Variants in TLN2 observed in about 807,000 individuals in gnomAD.
TLN2 encodes the protein talin 2, also known as talin-2.
A neutral mutation model predicts 294.7 loss-of-function variants in TLN2; 118 were observed. That is an observed-to-expected ratio of 0.40 (90% CI 0.34 to 0.47). TLN2 has a LOEUF of 0.47. Among genes scored for constraint, TLN2 ranks in the 20% least tolerant of loss-of-function variants. TLN2 has a pLI of 0.84. For synonymous variants in TLN2, 1,431 were observed against 1,304.5 expected, an observed-to-expected ratio of 1.10 and a Z score of -2.09; for missense variants, 3,083 against 3,282.2, an observed-to-expected ratio of 0.94 and a Z score of 1.48.
chr15:62,661,667 G>T (rs534145833), intron 9 of TLN2, among the ~76,000 whole-genome samples: 2 of 152,164 alleles, frequency 1.3e-5, no homozygotes, highest in Non-Finnish European at 2.9e-5. Context: ...TTGAATGGAA[G>T]TTTTTTGTAA....
intron 9 of TLN2, among the ~76,000 whole-genome samples, chr15:62,662,934 CT>C (rs2054059137): frequency 6.8e-6 from 1 of 148,058 alleles, no homozygotes; most frequent in South Asian, 2.2e-4. Context: ...CTCCATTCTC[CT>C]GCCTCAGTCT....
chr15:62,435,474 T>G (rs2035239820), intron 1 of TLN2, among the ~76,000 whole-genome samples: 1 of 152,202 alleles, frequency 6.6e-6, no homozygotes, highest in Non-Finnish European at 1.5e-5. Context: ...ACTTTTTGTG[T>G]CTGCTGTCTA....
intron 55 of TLN2, chr15:62,835,389 C>A (rs1389730472): frequency 9.7e-6 from 3 of 309,394 alleles, no homozygotes; most frequent in African/African-American, 6.4e-5. Context: ...GTGGCTCCCA[C>A]ATATGAAATG....
intron 48 of TLN2, among the ~76,000 whole-genome samples, chr15:62,798,557 A>G (rs572150019): frequency 6.7e-6 from 1 of 150,338 alleles, no homozygotes; most frequent in Admixed American, 6.6e-5. Context: ...AAACAAAACA[A>G]AAAAAAAAAA....
At chr15:62,737,436 G>A (rs2030039) in intron 29 of TLN2, among the ~76,000 whole-genome samples, 90,682 of 151,968 alleles carry the variant, frequency 0.6, 27,630 homozygotes, top group Non-Finnish European at 0.67. Context: ...AGGTAGATCC[G>A]CTAGGGCTGG....
At chr15:62,651,017 T>C (rs1465833908) in intron 5 of TLN2, among the ~76,000 whole-genome samples, 2 of 152,212 alleles carry the variant, frequency 1.3e-5, no homozygotes, top group African/African-American at 4.8e-5. Context: ...TTTATGTCTT[T>C]CATTATTTCT....
chr15:62,481,853 A>G (rs1235075811), intron 1 of TLN2, among the ~76,000 whole-genome samples: 2 of 138,778 alleles, frequency 1.4e-5, no homozygotes, highest in Non-Finnish European at 1.5e-5. Flanking sequence ...CTGGAGTGCA[A>G]TGGCGTGATC....
chr15:62,470,576 C>G (rs1211237353), intron 1 of TLN2, among the ~76,000 whole-genome samples: 1 of 152,238 alleles, frequency 6.6e-6, no homozygotes, highest in Non-Finnish European at 1.5e-5. Context: ...CCTCCTGATG[C>G]CCCTGCCCCC....
intron 1 of TLN2, among the ~76,000 whole-genome samples, chr15:62,433,634 T>C (rs970708111): frequency 2.6e-5 from 4 of 152,050 alleles, no homozygotes; most frequent in Non-Finnish European, 5.9e-5. Context: ...CTGGTTTTTT[T>C]CCCCCAGATG....
At chr15:62,800,909 G>T (rs147476435) in intron 50 of TLN2, 140 bp downstream of exon 50, 2 of 666,314 alleles carry the variant, frequency 3.0e-6, no homozygotes, top group East Asian at 5.5e-5. Flanking sequence ...CCTGCTGGTA[G>T]CTTTATATAA....
intron 28 of TLN2, among the ~76,000 whole-genome samples, chr15:62,728,888 G>T (rs999761566): frequency 6.6e-6 from 1 of 151,744 alleles, no homozygotes; most frequent in Non-Finnish European, 1.5e-5. Context: ...TTTCTTTATG[G>T]TTAGTACTTT....
rs916924392 is a variant in TLN2 at position 62,833,773 on chromosome 15, C to G, written c.7128+144C>G. On this transcript the variant is annotated intron_variant, in intron 55 of 58. Transcript: ENST00000636159. ...CTGAATTGCCACTCTCTGTGCTGAC[C>G]GACTGAAAACTACAGCCTTCAGACC... 5.0e-6 allele frequency: 6 copies of G among 1,200,106 alleles called. No individual in the cohort carries two copies. In the African/African-American group the frequency reaches 9.3e-5, roughly 19 times the overall value. 74.3% of individuals were successfully genotyped at this position (1,200,106 alleles called of 1,614,324 possible).
chr15:62,596,903 T>A (rs1333955748), intron 2 of TLN2, among the ~76,000 whole-genome samples: 1 of 152,206 alleles, frequency 6.6e-6, no homozygotes, highest in African/African-American at 2.4e-5. Context: ...TTTTTTCCTG[T>A]AGATTGTTTT....
intron 1 of TLN2, among the ~76,000 whole-genome samples, chr15:62,531,484 T>G (rs1194319639): frequency 6.6e-6 from 1 of 152,154 alleles, no homozygotes; most frequent in Non-Finnish European, 1.5e-5. Flanking sequence ...TTTGGGTATA[T>G]TGCACAGTGT....
chr15:62,647,096 A>G (rs190390487), intron 3 of TLN2, among the ~76,000 whole-genome samples, 179 bp from the exon 4 acceptor site: 5 of 152,282 alleles, frequency 3.3e-5, no homozygotes, highest in Admixed American at 2.6e-4. Context: ...GTCCTCCTTT[A>G]AATTTTTCAA....
chr15:62,606,902 C>A (rs1047038494), intron 2 of TLN2, among the ~76,000 whole-genome samples: 2 of 152,156 alleles, frequency 1.3e-5, no homozygotes, highest in African/African-American at 4.8e-5. Flanking sequence ...GCAGGCTTGG[C>A]ACAGAGCAAG....
chr15:62,616,264 T>A (rs1321359964), intron 2 of TLN2, among the ~76,000 whole-genome samples: 3 of 152,246 alleles, frequency 2.0e-5, no homozygotes. Flanking sequence ...GTTATACGAA[T>A]GCCCATATGA....
At chr15:62,537,586 A>G (rs951298361) in intron 1 of TLN2, among the ~76,000 whole-genome samples, 9 of 152,182 alleles carry the variant, frequency 5.9e-5, no homozygotes, top group Admixed American at 1.3e-4. Context: ...AGCCTCAGGG[A>G]AGGAAGTGAT....
chr15:62,843,310 C>T lies in TLN2; in HGVS notation c.*2700C>T, dbSNP rs958453544. 2.0e-5 allele frequency: 3 copies of T among 152,226 alleles called. No homozygotes were observed. The highest frequency in any genetic ancestry group is 2.0e-4 in the Admixed American group (3 of 15,278). 9.4% of individuals were successfully genotyped at this position (152,226 alleles called of 1,614,324 possible). A position where few individuals can be genotyped will look rare whatever the true frequency, so the allele number is the denominator to read the frequency against. On this transcript the variant is annotated 3_prime_UTR_variant, in exon 59 of 59. Transcript: ENST00000636159. ...GAACCTGAACTGGATTTCAGAACTG[C>T]CCAGTGATTTGAAAATTTAGATTTT... is the stretch of plus-strand genomic sequence containing the variant.
Sources: allele counts gnomAD v4.1 joint callset (sites outside exome capture counted in the v4.1 genomes callset), GRCh38; gene constraint gnomAD v4.1.1; transcripts MANE v1.5; gene names NCBI Gene and HGNC (gene_info 2026-07-23, HGNC 2026-07-21).